Variants in ARHGAP15 observed in about 807,000 individuals in gnomAD.
The protein encoded by ARHGAP15 is Rho GTPase activating protein 15.
Under a neutral mutation model 63.7 loss-of-function variants are expected in ARHGAP15, and 51 were observed. That is an observed-to-expected ratio of 0.80 (90% CI 0.64 to 1.01). The LOEUF is 1.01. Among genes scored for constraint, ARHGAP15 ranks in the 50% least tolerant of loss-of-function variants. The probability of loss-of-function intolerance (pLI) is 0.00; values close to 1 mark genes in which losing one functional copy is unlikely to be tolerated. For synonymous variants in ARHGAP15, 191 were observed against 193.8 expected (o/e 0.99, Z 0.12); for missense variants, 560 against 564.6 (o/e 0.99, Z 0.08).
At chr2:143,754,624 T>A (rs1216508747) in intron 13 of ARHGAP15, among the ~76,000 whole-genome samples, 1 of 152,160 alleles carries the variant, frequency 6.6e-6, no homozygotes, top group African/African-American at 2.4e-5. Flanking sequence ...TCTGTCTGAT[T>A]CTCAGGATCC....
chr2:143,500,843 A>G (rs1336596408), intron 9 of ARHGAP15, among the ~76,000 whole-genome samples: 1 of 152,212 alleles, frequency 6.6e-6, no homozygotes, highest in East Asian at 1.9e-4. Context: ...AGCAAAAGAG[A>G]GAAATTTCAT....
chr2:143,216,176 C>A (rs968364989), intron 3 of ARHGAP15, among the ~76,000 whole-genome samples: 1 of 152,194 alleles, frequency 6.6e-6, no homozygotes, highest in Non-Finnish European at 1.5e-5. Context: ...CATTCACATT[C>A]CTCTTCATAG....
At position 143,487,440 on chromosome 2, in the gene ARHGAP15, G is replaced by A. The variant is rs778028797; in HGVS notation, c.771G>A (p.Lys257=). 5.0e-6 allele frequency: 8 copies of A among 1,613,776 alleles called. No individual in the cohort carries two copies. The South Asian group carries it at 5.5e-5, about 11-fold the overall frequency. ...ATCGAGTTAAAAGCAGATTAAAGAA[G>A]TTTATTACCCGAAGACCTTCCCTGA... ...DKNRVKSRLK[K]FITRRPSLKT... is the part of the protein sequence containing the mutation. Residue 257 remains lysine (K), a synonymous_variant, in exon 9 of 14, where the codon AAG becomes AAA. Coordinates refer to ENST00000295095, the MANE Select transcript of ARHGAP15 (RefSeq NM_018460.4).
At chr2:143,198,210 C>A (rs1691960372) in intron 2 of ARHGAP15, among the ~76,000 whole-genome samples, 1 of 152,004 alleles carries the variant, frequency 6.6e-6, no homozygotes, top group Admixed American at 6.6e-5. Flanking sequence ...CATAGAGAAC[C>A]ATGCCTGGCA....
At chr2:143,313,649 G>A (rs905826550) in intron 6 of ARHGAP15, among the ~76,000 whole-genome samples, 2 of 152,146 alleles carry the variant, frequency 1.3e-5, no homozygotes, top group Non-Finnish European at 2.9e-5. Flanking sequence ...GTAACATAAC[G>A]ACAGATGCTG....
intron 9 of ARHGAP15, among the ~76,000 whole-genome samples, chr2:143,490,660 G>A (rs151233325): frequency 0.037 from 5,658 of 151,970 alleles, 152 homozygotes; most frequent in Non-Finnish European, 0.055. Context: ...TCACTCTGTC[G>A]CCCAGGCTGG....
chr2:143,482,553 A>G (rs991788241), intron 8 of ARHGAP15, among the ~76,000 whole-genome samples: 31 of 152,236 alleles, frequency 2.0e-4, no homozygotes, highest in African/African-American at 7.5e-4. Context: ...TGTCCCGATT[A>G]TCACAGGCAT....
At chr2:143,410,140 C>A (rs1158596362) in intron 6 of ARHGAP15, among the ~76,000 whole-genome samples, 5 of 151,976 alleles carry the variant, frequency 3.3e-5, no homozygotes, top group Admixed American at 6.5e-5. Flanking sequence ...AAAATAAAAT[C>A]AAATTTTAAT....
At chr2:143,269,094 C>T (rs1274289098) in intron 6 of ARHGAP15, among the ~76,000 whole-genome samples, 2 of 152,072 alleles carry the variant, frequency 1.3e-5, no homozygotes, top group African/African-American at 2.4e-5. Context: ...TATTTCTATG[C>T]TAACATCTTC....
At chr2:143,384,511 A>ACC (rs1474771416) in intron 6 of ARHGAP15, among the ~76,000 whole-genome samples, 1 of 151,994 alleles carries the variant, frequency 6.6e-6, no homozygotes, top group Non-Finnish European at 1.5e-5. Flanking sequence ...GAAAAGCTTT[A>ACC]CCAGCTAAAG....
chr2:143,531,371 A>G (rs779936281), intron 10 of ARHGAP15, among the ~76,000 whole-genome samples: 2 of 152,176 alleles, frequency 1.3e-5, no homozygotes, highest in Non-Finnish European at 2.9e-5. Context: ...ACAGACATTC[A>G]ATCATTTTCA....
At chr2:143,378,250 T>C (rs2381467) in intron 6 of ARHGAP15, among the ~76,000 whole-genome samples, 98,262 of 151,812 alleles carry the variant, frequency 0.65, 32,297 homozygotes, top group African/African-American at 0.75. Flanking sequence ...AAATAACTTG[T>C]AGGTGGTTAG....
intron 2 of ARHGAP15, chr2:143,162,522 G>C (rs966254325): frequency 5.3e-5 from 8 of 151,892 alleles, no homozygotes; most frequent in Non-Finnish European, 1.0e-4. Context: ...TAGAGCCAGA[G>C]GTCTCATTTT....
At chr2:143,305,555 C>G (rs1268858763) in intron 6 of ARHGAP15, 2 of 151,934 alleles carry the variant, frequency 1.3e-5, no homozygotes, top group African/African-American at 4.8e-5. Context: ...TTTGTTTGAA[C>G]CAAATAAAAT....
chr2:143,196,600 T>G (rs1558807291), intron 2 of ARHGAP15, among the ~76,000 whole-genome samples: 1 of 151,952 alleles, frequency 6.6e-6, no homozygotes, highest in Admixed American at 6.6e-5. Flanking sequence ...CCCCTTTTCT[T>G]TTTCTAAAAT....
At chr2:143,302,000 T>G (rs1381550688) in intron 6 of ARHGAP15, among the ~76,000 whole-genome samples, 1 of 151,966 alleles carries the variant, frequency 6.6e-6, no homozygotes, top group Non-Finnish European at 1.5e-5. Flanking sequence ...TAAAAAAAGT[T>G]AAGAACTTCT....
chr2:143,248,272 G>A (rs1442761521), intron 5 of ARHGAP15, among the ~76,000 whole-genome samples: 2 of 152,154 alleles, frequency 1.3e-5, no homozygotes, highest in Admixed American at 6.5e-5. Context: ...ATAAGAAGGA[G>A]CCAGCCGTGT....
At chr2:143,493,334 T>G (rs997861816) in intron 9 of ARHGAP15, among the ~76,000 whole-genome samples, 4 of 152,356 alleles carry the variant, frequency 2.6e-5, no homozygotes, top group Middle Eastern at 3.4e-3. Context: ...TAATCAGCTT[T>G]ATTTTAGTCA....
chr2:143,620,653 C>T (rs1471006284), intron 11 of ARHGAP15, among the ~76,000 whole-genome samples: 4 of 152,168 alleles, frequency 2.6e-5, no homozygotes, highest in Admixed American at 6.5e-5. Context: ...CTGGTTTCAT[C>T]ACTTGGCAGC....
Sources: gnomAD v4.1 joint callset for allele counts (sites outside exome capture counted in the v4.1 genomes callset) on GRCh38, gnomAD v4.1.1 for gene constraint, MANE v1.5 for transcripts, NCBI Gene and HGNC (gene_info 2026-07-23, HGNC 2026-07-21) for gene names.